Variants in NFIB observed in about 807,000 individuals in gnomAD.
NFIB encodes nuclear factor I B, also known as nuclear factor 1 B-type.
Under a neutral mutation model 61.5 loss-of-function variants are expected in NFIB, and 11 were observed. That is an observed-to-expected ratio of 0.18 (90% CI 0.11 to 0.30). The LOEUF (loss-of-function observed/expected upper bound fraction) is 0.30. Among genes scored for constraint, NFIB ranks in the 10% least tolerant of loss-of-function variants. The pLI, the probability that NFIB is intolerant of heterozygous loss-of-function variation, is 1.00. For missense variants in NFIB, 471 were observed against 608.9 expected (o/e 0.77, Z 2.38); for synonymous variants, 260 against 216.5 (o/e 1.20, Z -1.76).
At chr9:14,228,320 G>C (rs1280384497) in intron 2 of NFIB, among the ~76,000 whole-genome samples, 3 of 150,772 alleles carry the variant, frequency 2.0e-5, no homozygotes, top group Non-Finnish European at 4.4e-5. Flanking sequence ...TCAGCCTCTC[G>C]AGTAGCTGGG....
At chr9:14,119,584 G>A (rs10810092) in intron 8 of NFIB, among the ~76,000 whole-genome samples, 25,901 of 152,064 alleles carry the variant, frequency 0.17, 2,261 homozygotes, top group South Asian at 0.29. Context: ...TAGTAATGAC[G>A]GAATGTTTGT....
At chr9:14,326,971 G>T (rs1036758989) in intron 1 of NFIB, among the ~76,000 whole-genome samples, 1 of 151,990 alleles carries the variant, frequency 6.6e-6, no homozygotes, top group Non-Finnish European at 1.5e-5. Context: ...CCCTTAAAAA[G>T]AAAACAATAA....
chr9:14,340,668 A>C (rs1420881563), intron 1 of NFIB, among the ~76,000 whole-genome samples: 2 of 152,226 alleles, frequency 1.3e-5, no homozygotes, highest in African/African-American at 4.8e-5. Context: ...TGCTCTTCAA[A>C]CCTTTTCGTT....
At chr9:14,278,266 A>T (rs1267050677) in intron 2 of NFIB, among the ~76,000 whole-genome samples, 1 of 152,214 alleles carries the variant, frequency 6.6e-6, no homozygotes, top group African/African-American at 2.4e-5. Context: ...AAGTAATCTG[A>T]TGTCCAACAG....
intron 8 of NFIB, among the ~76,000 whole-genome samples, chr9:14,116,716 A>G (rs1018267618): frequency 6.6e-6 from 1 of 152,234 alleles, no homozygotes; most frequent in East Asian, 1.9e-4. Context: ...TTGGAACCCA[A>G]TGCTTCCTTA....
At chr9:14,167,137 G>A (rs1273032959) in intron 3 of NFIB, among the ~76,000 whole-genome samples, 1 of 151,156 alleles carries the variant, frequency 6.6e-6, no homozygotes, top group African/African-American at 2.4e-5. Context: ...CTAATTGGAA[G>A]AGACAGAAAA....
intron 9 of NFIB, 86 bp from the exon 10 acceptor site, chr9:14,113,167 T>G: frequency 1.6e-6 from 2 of 1,235,714 alleles, no homozygotes. Flanking sequence ...CCCAGAGAAG[T>G]GGGATTTGCA....
chr9:14,293,506 A>G (rs1458249827), intron 2 of NFIB, among the ~76,000 whole-genome samples: 3 of 152,242 alleles, frequency 2.0e-5, no homozygotes, highest in African/African-American at 7.2e-5. Context: ...ATTACGCCTC[A>G]TGGGCCTTCC....
chr9:14,280,815 C>T (rs2132429867), intron 2 of NFIB, among the ~76,000 whole-genome samples: 1 of 152,096 alleles, frequency 6.6e-6, no homozygotes, highest in East Asian at 1.9e-4. Flanking sequence ...TAGAAGGTGG[C>T]CAGGGAGACT....
intron 2 of NFIB, among the ~76,000 whole-genome samples, chr9:14,243,197 G>GA (rs1235993089): frequency 6.6e-6 from 1 of 152,024 alleles, no homozygotes; most frequent in African/African-American, 2.4e-5. Context: ...CAGAATATAT[G>GA]AAAACCAATC....
rs2038746878 is a variant in NFIB at position 14,120,232 on chromosome 9, C to T, written c.1245+208G>A. 6.6e-6 allele frequency among the ~76,000 whole-genome samples: 1 copy of T among 152,188 alleles called. No individual in the cohort carries two copies. The highest frequency in any genetic ancestry group is 2.4e-5 in the African/African-American group (1 of 41,446). The stretch of plus-strand genomic sequence containing the variant: ...ATCCAAAAACATTAAACCATCTTCA[C>T]AAATGTACCCTTTGGGGCAACACAC... On this transcript the variant is annotated intron_variant, in intron 8 of 10. Coordinates refer to ENST00000380953, the MANE Select transcript of NFIB (RefSeq NM_001190737.2). This position sits in a 1 kb window ranked among gnomAD's most constrained non-coding sequence, Gnocchi z 4.4.
At chr9:14,131,458 A>T (rs1380522071) in intron 6 of NFIB, among the ~76,000 whole-genome samples, 1 of 152,194 alleles carries the variant, frequency 6.6e-6, no homozygotes, top group Non-Finnish European at 1.5e-5. Flanking sequence ...GCAAATAAAG[A>T]GTTAGATCAA....
At chr9:14,465,572 TAC>T in the NFIB span, among the ~76,000 whole-genome samples, 24,386 of 146,140 alleles carry the variant, frequency 0.17, 2,162 homozygotes, top group East Asian at 0.34. Context: ...AATGACTTGT[TAC>T]ACACACACAC....
At chr9:14,223,760 C>T (rs1170712824) in intron 2 of NFIB, among the ~76,000 whole-genome samples, 2 of 152,132 alleles carry the variant, frequency 1.3e-5, no homozygotes, top group African/African-American at 4.8e-5. Flanking sequence ...TAGCTCAATT[C>T]CTCTAAATAT....
chr9:14,306,894 G>A (rs2060048251), intron 2 of NFIB, 95 bp downstream of exon 2: 2 of 1,460,812 alleles, frequency 1.4e-6, no homozygotes, highest in East Asian at 2.3e-5. Flanking sequence ...ATATCTAGGG[G>A]CCTTGAGGAC....
At chr9:14,321,976 G>T in intron 1 of NFIB, 2 of 1,230,284 alleles carry the variant, frequency 1.6e-6, no homozygotes, top group South Asian at 8.2e-5. Flanking sequence ...AAGAGATCTT[G>T]AGTCTGTAAC....
At chr9:14,498,055 G>A in the NFIB span, among the ~76,000 whole-genome samples, 11 of 152,310 alleles carry the variant, frequency 7.2e-5, no homozygotes, top group East Asian at 2.1e-3. Context: ...TTGGGTTTAT[G>A]TCACTTGCAA....
intron 1 of NFIB, among the ~76,000 whole-genome samples, chr9:14,391,840 G>C (rs1204611001): frequency 2.0e-5 from 3 of 152,206 alleles, no homozygotes; most frequent in African/African-American, 7.2e-5. Flanking sequence ...AGAGTACTTT[G>C]CTTCCTTTCA....
intron 2 of NFIB, chr9:14,306,047 TA>T: frequency 1.2e-6 from 1 of 837,506 alleles, no homozygotes; most frequent in Non-Finnish European, 1.7e-6. Context: ...TTAAGAAAAA[TA>T]AAAATAATAA....
Sources: allele counts gnomAD v4.1 joint callset (sites outside exome capture counted in the v4.1 genomes callset), GRCh38; gene constraint gnomAD v4.1.1; non-coding constraint Gnocchi (gnomAD v3.1); transcripts MANE v1.5; gene names NCBI Gene and HGNC (gene_info 2026-07-23, HGNC 2026-07-21).